The following EFNA5 variants were observed in gnomAD, a reference collection of about 807,000 sequenced individuals.
EFNA5 encodes the protein ephrin A5, also known as ephrin-A5.
EFNA5 carries 5 observed loss-of-function variants against 22.9 expected under a neutral mutation model. The observed-to-expected ratio is 0.22, with a 90% CI of 0.11 to 0.46. The LOEUF is 0.46. Ranked by LOEUF, EFNA5 falls within the 20% of genes least tolerant of loss-of-function variation. The pLI is 0.99. For missense variants in EFNA5, 237 were observed against 293.3 expected (o/e 0.81, Z 1.40); for synonymous variants, 113 against 112.2 (o/e 1.01, Z -0.04).
chr5:107,562,758 T>C (rs1175077556), intron 1 of EFNA5, among the ~76,000 whole-genome samples: 4 of 152,074 alleles, frequency 2.6e-5, no homozygotes, highest in African/African-American at 9.7e-5. Flanking sequence ...GTGCAAAAAA[T>C]AAAATAGAAA....
At chr5:107,572,112 A>C (rs1222724784) in intron 1 of EFNA5, among the ~76,000 whole-genome samples, 1 of 152,060 alleles carries the variant, frequency 6.6e-6, no homozygotes, top group Non-Finnish European at 1.5e-5. Flanking sequence ...AAATTGACTA[A>C]AAAGGACAGC....
chr5:107,477,552 A>G (rs1750345034), intron 1 of EFNA5, among the ~76,000 whole-genome samples: 1 of 152,096 alleles, frequency 6.6e-6, no homozygotes, highest in Non-Finnish European at 1.5e-5. Flanking sequence ...CTATTCTCTT[A>G]TTTTTCAGGT....
chr5:107,423,526 G>A (rs942491211), intron 2 of EFNA5, among the ~76,000 whole-genome samples: 1 of 151,736 alleles, frequency 6.6e-6, no homozygotes, highest in Non-Finnish European at 1.5e-5. Flanking sequence ...ACAGGCATGT[G>A]CTACCATATC....
chr5:107,462,086 G>A (rs1366384700), intron 1 of EFNA5, among the ~76,000 whole-genome samples: 1 of 152,082 alleles, frequency 6.6e-6, no homozygotes, highest in African/African-American at 2.4e-5. Context: ...GATCACTGTA[G>A]AAATCCAGAA....
At chr5:107,574,335 T>C (rs1294846267) in intron 1 of EFNA5, among the ~76,000 whole-genome samples, 1 of 149,128 alleles carries the variant, frequency 6.7e-6, no homozygotes, top group Admixed American at 6.7e-5. Context: ...TTCTCTCATA[T>C]TGTAACAATA....
At chr5:107,535,741 C>G (rs1580517781) in intron 1 of EFNA5, among the ~76,000 whole-genome samples, 1 of 151,968 alleles carries the variant, frequency 6.6e-6, no homozygotes, top group African/African-American at 2.4e-5. Context: ...ACAGTTTTTT[C>G]TCGAGGTCGT....
chr5:107,611,093 G>T (rs950991859), intron 1 of EFNA5, among the ~76,000 whole-genome samples: 8 of 151,850 alleles, frequency 5.3e-5, no homozygotes, highest in Non-Finnish European at 8.8e-5. Context: ...TGAAAGTGGG[G>T]CAATGACAGA....
chr5:107,446,459 C>T lies in EFNA5; in HGVS notation c.126-18950G>A, dbSNP rs370276949. Among the ~76,000 whole-genome samples, 5 of 152,184 alleles carry T rather than the reference C, an allele frequency of 3.3e-5. No homozygotes were observed. The East Asian group carries it at 9.6e-4, about 29-fold the overall frequency. On this transcript the variant is annotated intron_variant, in intron 1 of 4. Coordinates refer to ENST00000333274, the MANE Select transcript of EFNA5 (RefSeq NM_001962.3). ...AAGAAAGGAAATGTGATTTCTAAAA[C>T]TTTAGAAAGGCAGGACCTGGTGGCT...
At chr5:107,636,137 C>A (rs1185716919) in intron 1 of EFNA5, among the ~76,000 whole-genome samples, 1 of 152,120 alleles carries the variant, frequency 6.6e-6, no homozygotes, top group Non-Finnish European at 1.5e-5. Flanking sequence ...AATAAAACTA[C>A]CATGAAAACA....
At chr5:107,617,777 A>T (rs1749953758) in intron 1 of EFNA5, among the ~76,000 whole-genome samples, 1 of 152,208 alleles carries the variant, frequency 6.6e-6, no homozygotes, top group Non-Finnish European at 1.5e-5. Context: ...ATTCAAATAG[A>T]AGTGGAAACA....
intron 2 of EFNA5, among the ~76,000 whole-genome samples, chr5:107,404,523 G>A (rs1239051635): frequency 6.6e-6 from 1 of 152,158 alleles, no homozygotes; most frequent in Non-Finnish European, 1.5e-5. Context: ...ACCAGGAACT[G>A]TGCCAGGTTT....
At chr5:107,580,025 G>C (rs1204854253) in intron 1 of EFNA5, among the ~76,000 whole-genome samples, 1 of 152,128 alleles carries the variant, frequency 6.6e-6, no homozygotes, top group Non-Finnish European at 1.5e-5. Context: ...TATGCTTTGG[G>C]TGAGAATTTC....
chr5:107,591,206 C>A (rs980523498), intron 1 of EFNA5, among the ~76,000 whole-genome samples: 2 of 152,136 alleles, frequency 1.3e-5, no homozygotes, highest in African/African-American at 4.8e-5. Flanking sequence ...ACGGCTGGCA[C>A]ATAATGTTTT....
chr5:107,667,013 T>C (rs1751091644), intron 1 of EFNA5, among the ~76,000 whole-genome samples: 1 of 152,136 alleles, frequency 6.6e-6, no homozygotes. Context: ...AATAGTTATA[T>C]TCTTCTTGAT....
chr5:107,600,399 T>G (rs867485507), intron 1 of EFNA5, among the ~76,000 whole-genome samples: 8 of 152,174 alleles, frequency 5.3e-5, no homozygotes, highest in Non-Finnish European at 7.4e-5. Flanking sequence ...CTGATGACTA[T>G]TCACTAACGA....
chr5:107,648,857 T>C (rs1173432657), intron 1 of EFNA5, among the ~76,000 whole-genome samples: 1 of 152,164 alleles, frequency 6.6e-6, no homozygotes, highest in Admixed American at 6.6e-5. Context: ...AAAACTTCTG[T>C]GTCCTCTTCA....
chr5:107,477,727 G>T (rs540461374), intron 1 of EFNA5, among the ~76,000 whole-genome samples: 7 of 152,142 alleles, frequency 4.6e-5, no homozygotes, highest in Admixed American at 1.3e-4. Context: ...CCTTTTTACA[G>T]GGTGGCTCTT....
intron 1 of EFNA5, among the ~76,000 whole-genome samples, chr5:107,455,218 T>C (rs907688835): frequency 2.6e-5 from 4 of 152,148 alleles, no homozygotes; most frequent in African/African-American, 9.7e-5. Flanking sequence ...GACCCAAAGA[T>C]CTCAGAGCTC....
At chr5:107,417,113 A>G (rs1224922431) in intron 2 of EFNA5, among the ~76,000 whole-genome samples, 1 of 152,188 alleles carries the variant, frequency 6.6e-6, no homozygotes, top group Admixed American at 6.6e-5. Flanking sequence ...AATGATTCAG[A>G]GCACATGTTA....
Sources: gnomAD v4.1 joint callset for allele counts (sites outside exome capture counted in the v4.1 genomes callset) on GRCh38, gnomAD v4.1.1 for gene constraint, MANE v1.5 for transcripts, NCBI Gene and HGNC (gene_info 2026-07-23, HGNC 2026-07-21) for gene names.